Variants in ABLIM3 observed in about 807,000 individuals in gnomAD.
ABLIM3 encodes the protein actin-binding LIM protein 3.
ABLIM3 carries 61 observed loss-of-function variants against 109.5 expected under a neutral mutation model. The observed-to-expected ratio is 0.56, with a 90% CI of 0.45 to 0.69. The LOEUF is 0.69. ABLIM3 is among the 30% of genes least tolerant of loss of function. The pLI is 0.00. For synonymous variants in ABLIM3, 300 were observed against 324.8 expected, an observed-to-expected ratio of 0.92 and a Z score of 0.82; for missense variants, 796 against 889.5, an observed-to-expected ratio of 0.89 and a Z score of 1.34.
intron 15 of ABLIM3, among the ~76,000 whole-genome samples, chr5:149,243,027 T>C (rs767686451): frequency 3.3e-5 from 5 of 152,162 alleles, no homozygotes; most frequent in Non-Finnish European, 7.4e-5. Flanking sequence ...TCAGTCACAG[T>C]CTCCTGAGAG....
In ABLIM3 at chr5:149,259,380, A is replaced by G; in HGVS notation, c.*976A>G. ...GGCTAATGTTCCCACCAGAGCTCCA[A>G]CTGAACAACCAGACAGACAACTCTC... On this transcript the variant is annotated 3_prime_UTR_variant, in exon 24 of 24. Coordinates refer to ENST00000309868, the MANE Select transcript of ABLIM3 (RefSeq NM_014945.5). 1.4e-6 allele frequency: 2 copies of G among 1,469,980 alleles called. No homozygotes were observed. Among genetic ancestry groups the G allele is most frequent in the African/African-American group, 1.4e-5 (1 of 71,200 alleles). 91.1% of individuals were successfully genotyped at this position (1,469,980 alleles called of 1,614,324 possible).
rs751430011 is a variant in ABLIM3, at chr5:149,247,974, CTG to C, written c.1699+48_1699+49del. 8 of 1,587,312 alleles carry C rather than the reference CTG, an allele frequency of 5.0e-6. No homozygotes were observed. In the South Asian group the frequency reaches 5.7e-5, roughly 11 times the overall value. ...CCCAACGGGGCGGGGACACCTTTCT[CTG>C]TGACTAGCTGGCAGTGTCAGCTGTT... On this transcript the variant is annotated intron_variant, in intron 18 of 23. Transcript: ENST00000309868.
At chr5:149,170,228 T>TTTTTTCTCTCTC (rs1554082423) in intron 2 of ABLIM3, among the ~76,000 whole-genome samples, 19 of 124,660 alleles carry the variant, frequency 1.5e-4, no homozygotes, top group African/African-American at 5.9e-4. Flanking sequence ...AGGGTTCTGT[T>TTTTTTCTCTCTC]TCTCTCTCTC....
Position 149,198,340 on chromosome 5 carries a change from C to A in ABLIM3, c.273C>A (p.Gly91=). The change falls in exon 4 of 24, where the codon GGC becomes GGA. Residue 91 remains glycine, a synonymous_variant. Transcript: ENST00000309868. The surrounding 1 kb of genome is among the most constrained non-coding windows in gnomAD (Gnocchi z 4.2). The part of the protein sequence containing the change: ...RCDSCRDFIT[G]EVISALGRTY... ...ACAGCTGCCGGGACTTCATCACAGG[C>A]GAAGTCATCTCGGCCCTGGGCCGCA... 6.2e-7 allele frequency: 1 copy of A among 1,614,212 alleles called. No homozygotes were observed. The highest frequency in any genetic ancestry group is 8.5e-7 in the Non-Finnish European group (1 of 1,180,024).
At chr5:149,190,134 G>A (rs1194808958) in intron 3 of ABLIM3, among the ~76,000 whole-genome samples, 3 of 152,164 alleles carry the variant, frequency 2.0e-5, no homozygotes, top group African/African-American at 7.2e-5. Context: ...GATTTCATAT[G>A]TATGAAATGC....
At chr5:149,196,645 G>A (rs866693108) in intron 3 of ABLIM3, among the ~76,000 whole-genome samples, 5 of 152,330 alleles carry the variant, frequency 3.3e-5, no homozygotes, top group South Asian at 2.1e-4. Flanking sequence ...AATGGGCACC[G>A]CAGTTGCCTT....
In ABLIM3 at chr5:149,207,109, A is replaced by G; in HGVS notation, c.550A>G (p.Ile184Val). The change falls in exon 6 of 24, where the codon ATC becomes GTC. Residue 184 changes from isoleucine to valine, a missense_variant. Ile to Val is a conservative substitution (Grantham distance 29). Transcript: ENST00000309868. ...SCFKCQTCSV[I>V]LTGEYISKDG... ...CTTCAAGTGCCAGACCTGCAGCGTC[A>G]TCCTCACCGGGGAGTATATCAGCAA... 2 of 1,613,928 alleles carry G rather than the reference A, an allele frequency of 1.2e-6. No individual in the cohort carries two copies. Among genetic ancestry groups the G allele is most frequent in the Non-Finnish European group, 1.7e-6 (2 of 1,179,932 alleles).
At chr5:149,231,739 C>T (rs1290927143) in intron 9 of ABLIM3, among the ~76,000 whole-genome samples, 7 of 152,338 alleles carry the variant, frequency 4.6e-5, no homozygotes, top group African/African-American at 1.7e-4. Context: ...ATTTCCCAAA[C>T]TTCAGTCATC....
intron 2 of ABLIM3, among the ~76,000 whole-genome samples, chr5:149,160,017 T>C (rs1754196542): frequency 6.6e-6 from 1 of 152,198 alleles, no homozygotes; most frequent in Non-Finnish European, 1.5e-5. Context: ...TTTATTTCCT[T>C]CATTCTACTT....
chr5:149,167,175 A>G (rs1422265322), intron 2 of ABLIM3, among the ~76,000 whole-genome samples: 1 of 152,192 alleles, frequency 6.6e-6, no homozygotes, highest in Non-Finnish European at 1.5e-5. Context: ...AGTCCACAAG[A>G]TAATACTATT....
intron 3 of ABLIM3, among the ~76,000 whole-genome samples, chr5:149,192,550 T>G (rs991285640): frequency 6.8e-6 from 1 of 146,804 alleles, no homozygotes; most frequent in Non-Finnish European, 1.5e-5. Flanking sequence ...GGCATGAACC[T>G]GAGAGGCAGA....
Position 149,232,378 on chromosome 5 carries a change from G to T in ABLIM3, c.817-851G>T, listed in dbSNP as rs1011400. ...AAAAGAATTAGCACCAAACTGAGAC[G>T]GCCTCCTTGATCTATCAAGGGGATT... On this transcript the variant is annotated intron_variant, in intron 9 of 23. Coordinates refer to ENST00000309868, the MANE Select transcript of ABLIM3 (RefSeq NM_014945.5). Among the ~76,000 whole-genome samples, 220 of 152,034 alleles carry T rather than the reference G, an allele frequency of 1.4e-3. 3 individuals carry two copies. Among genetic ancestry groups the T allele is most frequent in the African/African-American group, 5.0e-3 (208 of 41,476 alleles).
intron 5 of ABLIM3, among the ~76,000 whole-genome samples, chr5:149,204,545 T>C (rs532687379): frequency 1.2e-4 from 19 of 152,292 alleles, no homozygotes; most frequent in Middle Eastern, 3.4e-3. Flanking sequence ...TCAGCAGGCT[T>C]CCCTACAACA....
At chr5:149,244,236 G>C (rs1753129897) in intron 15 of ABLIM3, 1 of 152,990 alleles carries the variant, frequency 6.5e-6, no homozygotes, top group African/African-American at 2.4e-5. Flanking sequence ...CTTGAAGCTG[G>C]ATGGCAGCTG....
chr5:149,252,886 GA>G (rs1472176432), intron 23 of ABLIM3, 49 bp downstream of exon 23: 2 of 1,462,798 alleles, frequency 1.4e-6, no homozygotes, highest in East Asian at 4.5e-5. Context: ...AGAAATTTCA[GA>G]AGTTGCTTGG....
chr5:149,226,006 A>G (rs1355992428), intron 8 of ABLIM3, among the ~76,000 whole-genome samples: 62 of 124,402 alleles, frequency 5.0e-4, no homozygotes, highest in African/African-American at 2.1e-3. Flanking sequence ...ATATATATAT[A>G]TATATATATA....
chr5:149,150,530 A>G (rs1489761516), intron 2 of ABLIM3, among the ~76,000 whole-genome samples: 2 of 152,230 alleles, frequency 1.3e-5, no homozygotes, highest in African/African-American at 4.8e-5. Flanking sequence ...CAGAAAAATC[A>G]CAACGTGATT....
chr5:149,208,887 A>G (rs1001694343), intron 6 of ABLIM3, among the ~76,000 whole-genome samples: 6 of 152,238 alleles, frequency 3.9e-5, no homozygotes, highest in African/African-American at 1.4e-4. Flanking sequence ...AGAATCTTGA[A>G]TCTCTGAGAG....
At chr5:149,227,527 T>C (rs1281275852) in intron 8 of ABLIM3, among the ~76,000 whole-genome samples, 1 of 152,236 alleles carries the variant, frequency 6.6e-6, no homozygotes, top group Non-Finnish European at 1.5e-5. Flanking sequence ...GAGTGTTATC[T>C]GGTATTTAGC....
Sources: gnomAD v4.1 joint callset for allele counts (sites outside exome capture counted in the v4.1 genomes callset) on GRCh38, gnomAD v4.1.1 for gene constraint, Gnocchi (gnomAD v3.1) non-coding constraint, MANE v1.5 for transcripts, NCBI Gene and HGNC (gene_info 2026-07-23, HGNC 2026-07-21) for gene names.